DGKA: variants seen among roughly 807,000 people sequenced by gnomAD.
The protein encoded by DGKA is diacylglycerol kinase alpha, also known as 80 kDa diacylglycerol kinase.
DGKA carries 35 observed loss-of-function variants against 105.0 expected under a neutral mutation model. That is an observed-to-expected ratio of 0.33 (90% confidence interval 0.25 to 0.44). The LOEUF (loss-of-function observed/expected upper bound fraction) is 0.44, where lower values mean the gene tolerates loss of function less well. Ranked by LOEUF, DGKA falls within the 20% of genes least tolerant of loss-of-function variation. The pLI, the probability that DGKA is intolerant of heterozygous loss-of-function variation, is 1.00. For synonymous variants in DGKA, 296 were observed against 332.0 expected (o/e 0.89, Z 1.18); for missense variants, 665 against 915.0 (o/e 0.73, Z 3.53).
At position 55,939,252 on chromosome 12, in the gene DGKA, G is replaced by A. The variant is rs752181289; in HGVS notation, c.541G>A (p.Val181Ile). The A allele has an allele frequency of 3.9e-5, 63 of 1,614,070 alleles. No homozygotes were observed. The highest frequency in any genetic ancestry group is 5.0e-5 in the Non-Finnish European group (59 of 1,180,032). ...GSGSVSQAEW[V>I]RAGATTVPLL... The stretch of plus-strand genomic sequence containing the variant: ...TGGCTCTGTCTCTCAAGCTGAGTGG[G>A]TCCGGGCTGGGGCCACCACCGTGCC... The change falls in exon 8 of 24, where the codon GTC (valine) becomes ATC (isoleucine). Residue 181 changes from valine to isoleucine, a missense_variant. By Grantham distance (29) the Val-to-Ile change is conservative. Transcript: ENST00000331886.
chr12:55,933,785 G>C (rs887562197), intron 1 of DGKA, among the ~76,000 whole-genome samples: 17 of 152,288 alleles, frequency 1.1e-4, no homozygotes, highest in Admixed American at 1.1e-3. Flanking sequence ...GATGCTAGCA[G>C]TCCCTGAAAT....
chr12:55,952,085 G>A lies in DGKA; in HGVS notation c.1638G>A (p.Glu546=). The A allele has an allele frequency of 1.9e-6, 3 of 1,614,114 alleles. No homozygotes were observed. The highest frequency in any genetic ancestry group is 2.5e-6 in the Non-Finnish European group (3 of 1,180,038). ...ACATCATGCGAGAGAAATATCCGGAGAAGTTCAACAGCAGGTTAGGGAAAG... is the reference window on the plus strand; with the variant it reads ...ACATCATGCGAGAGAAATATCCGGAAAAGTTCAACAGCAGGTTAGGGAAAG... ...RFHIMREKYP[E]KFNSRMKNKL... is the part of the protein sequence containing the mutation. The change falls in exon 19 of 24, where the codon GAG becomes GAA. Residue 546 remains glutamate, a synonymous_variant. Coordinates refer to ENST00000331886, the MANE Select transcript of DGKA (RefSeq NM_001345.5). This position sits in a 1 kb window ranked among gnomAD's most constrained non-coding sequence, Gnocchi z 5.1.
Position 55,940,460 on chromosome 12 carries a change from G to A in DGKA, c.918+27G>A. The A allele has an allele frequency of 6.2e-7, 1 of 1,612,536 alleles. No homozygotes were observed. Among genetic ancestry groups the A allele is most frequent in the Non-Finnish European group, 8.5e-7 (1 of 1,179,326 alleles). On this transcript the variant is annotated intron_variant, in intron 11 of 23. Coordinates refer to ENST00000331886, the MANE Select transcript of DGKA (RefSeq NM_001345.5). This position sits in a 1 kb window ranked among gnomAD's most constrained non-coding sequence, Gnocchi z 4.3. ...TCAGTTTGGGAGCCATCCCTTCTGG[G>A]TGCGTCTTACCCCGCAGAGCTGCCT...
chr12:55,930,112 ATGTT>A (rs894783902), upstream of DGKA, among the ~76,000 whole-genome samples: 4 of 152,166 alleles, frequency 2.6e-5, no homozygotes, highest in Non-Finnish European at 5.9e-5. Context: ...CTTACATTGT[ATGTT>A]TGTTTAAAGT....
At chr12:55,935,772 C>A (rs1884517362) in intron 1 of DGKA, 1 of 632,358 alleles carries the variant, frequency 1.6e-6, no homozygotes, top group Non-Finnish European at 2.0e-6. Context: ...TGGAGCTCCG[C>A]GGAACGCAGT....
upstream of DGKA, among the ~76,000 whole-genome samples, chr12:55,928,786 C>A (rs1883249885): frequency 6.6e-6 from 1 of 151,596 alleles, no homozygotes; most frequent in Non-Finnish European, 1.5e-5. Context: ...CCGCAGCTTG[C>A]CTTCCTTCCC....
rs1228916328 is a variant in DGKA at position 55,939,256 on chromosome 12, G to A, written c.545G>A (p.Arg182Gln). 8 of 1,614,052 alleles carry A rather than the reference G, an allele frequency of 5.0e-6. No homozygotes were observed. Among genetic ancestry groups the A allele is most frequent in the African/African-American group, 2.7e-5 (2 of 74,924 alleles). Residue 182 changes from arginine (R) to glutamine (Q), a missense_variant, in exon 8 of 24, where the codon CGG becomes CAG. This residue lies in a region of DGKA where 504 missense variants were observed against 681.2 expected (regional missense o/e 0.74). Coordinates refer to ENST00000331886, the MANE Select transcript of DGKA (RefSeq NM_001345.5). ...SGSVSQAEWV[R>Q]AGATTVPLLV... ...TCTGTCTCTCAAGCTGAGTGGGTCC[G>A]GGCTGGGGCCACCACCGTGCCACTG...
intron 17 of DGKA, among the ~76,000 whole-genome samples, chr12:55,947,088 C>T (rs775656446): frequency 7.3e-5 from 11 of 149,758 alleles, no homozygotes; most frequent in Non-Finnish European, 1.5e-4. Flanking sequence ...CGGGTTCAAG[C>T]GATTCTCCTG....
intron 17 of DGKA, among the ~76,000 whole-genome samples, chr12:55,950,671 G>A (rs1402845973): frequency 6.6e-6 from 1 of 151,890 alleles, no homozygotes; most frequent in Non-Finnish European, 1.5e-5. Context: ...CAAACTCCTG[G>A]TCTCAAGGGA....
rs1286243782 is a variant in DGKA at position 55,937,539 on chromosome 12, A to C, written c.270A>C (p.Thr90=). The C allele has an allele frequency of 3.7e-6, 6 of 1,614,084 alleles. No individual in the cohort carries two copies. Among genetic ancestry groups the C allele is most frequent in the Non-Finnish European group, 5.1e-6 (6 of 1,179,942 alleles). The change falls in exon 4 of 24, where the codon ACA becomes ACC. Residue 90 remains threonine, a synonymous_variant. Transcript: ENST00000331886. ...ACTGCTTAAATGAGACAAATGTGACAAAAGGTATGGTCAAGCAGGTAGGAC... is the reference window on the plus strand; with the variant it reads ...ACTGCTTAAATGAGACAAATGTGACCAAAGGTATGGTCAAGCAGGTAGGAC... The part of the protein sequence containing the change: ...TGHCLNETNV[T]KDVVCLNDVS...
intron 17 of DGKA, among the ~76,000 whole-genome samples, chr12:55,945,480 T>A (rs1375860377): frequency 6.6e-6 from 1 of 152,220 alleles, no homozygotes; most frequent in Non-Finnish European, 1.5e-5. Context: ...ATTTATTGTC[T>A]TACAGTTCTG....
chr12:55,932,667 T>A lies in DGKA; in HGVS notation c.-82+1323T>A. On this transcript the variant is annotated intron_variant, in intron 1 of 23. Transcript: ENST00000331886. The surrounding 1 kb of genome is among the most constrained non-coding windows in gnomAD (Gnocchi z 4.3). ...CAACCATGCCAGTATCGTAACTTCC[T>A]CCTATACTACGCAATGACACCCTCT... 1.4e-6 allele frequency: 1 copy of A among 694,754 alleles called. No homozygotes were observed. The highest frequency in any genetic ancestry group is 2.0e-5 in the Admixed American group (1 of 49,616). The allele number at this position is 694,754 out of a possible 1,614,324, so 43.0% of individuals were successfully genotyped here. A position where few individuals can be genotyped will look rare whatever the true frequency, so the allele number is the denominator to read the frequency against.
chr12:55,936,029 G>C (rs1286152371), intron 1 of DGKA: 2 of 991,760 alleles, frequency 2.0e-6, no homozygotes, highest in Non-Finnish European at 2.4e-6. Flanking sequence ...GCTCAGGATG[G>C]GGAGAGTCTG....
chr12:55,939,636 C>T (rs948775603), intron 9 of DGKA, 107 bp downstream of exon 9: 1 of 1,049,582 alleles, frequency 9.5e-7, no homozygotes, highest in Non-Finnish European at 1.4e-6. Flanking sequence ...CTGGGCTCTG[C>T]CACTGACTAG....
In DGKA at chr12:55,953,934, C is replaced by T. The variant is rs1395015568; in HGVS notation, c.*166C>T. ...CTGCACCACCTCACTGTTCCCCATGCGCACACACATACACACACCCCAAAA... is the reference window on the plus strand; with the variant it reads ...CTGCACCACCTCACTGTTCCCCATGTGCACACACATACACACACCCCAAAA... On this transcript the variant is annotated 3_prime_UTR_variant, in exon 24 of 24. Coordinates refer to ENST00000331886, the MANE Select transcript of DGKA (RefSeq NM_001345.5). 1.8e-5 allele frequency: 12 copies of T among 662,764 alleles called. No homozygotes were observed. Among genetic ancestry groups the T allele is most frequent in the East Asian group, 5.4e-5 (2 of 36,746 alleles). 41.1% of individuals were successfully genotyped at this position (662,764 alleles called of 1,614,324 possible).
Position 55,941,581 on chromosome 12 carries a change from T to A in DGKA, c.1247T>A (p.Ile416Lys). The A allele has an allele frequency of 6.2e-7, 1 of 1,614,052 alleles. No homozygotes were observed. The highest frequency in any genetic ancestry group is 1.1e-5 in the South Asian group (1 of 91,076). Residue 416 changes from isoleucine to lysine, a missense_variant, in exon 15 of 24, where the codon ATA becomes AAA. Physicochemically the swap from Ile to Lys is moderately radical, Grantham distance 102. Transcript: ENST00000331886. Reference sequence around the variant, plus strand: ...AACCTCCTAAAGGATGGTCCTGAGATAGGGTGAGCACAGGTTAGGGACTGT... The same window carrying A: ...AACCTCCTAAAGGATGGTCCTGAGAAAGGGTGAGCACAGGTTAGGGACTGT... Reference protein sequence around the residue: ...VFNLLKDGPEIGLRLFKDVPD... With the variant: ...VFNLLKDGPEKGLRLFKDVPD...
At chr12:55,937,215 A>G in intron 3 of DGKA, 125 bp downstream of exon 3, 2 of 1,248,482 alleles carry the variant, frequency 1.6e-6, no homozygotes, top group East Asian at 2.3e-5. Context: ...CCTAGTGTCC[A>G]TTGTCACTCT....
chr12:55,939,010 T>G, intron 7 of DGKA, 21 bp downstream of exon 7: 1 of 1,614,108 alleles, frequency 6.2e-7, no homozygotes. Flanking sequence ...TCTTCCTTCA[T>G]GTCCCTTCTT....
Position 55,952,020 on chromosome 12 carries a change from T to A in DGKA, c.1588-15T>A, listed in dbSNP as rs768642895. ...ATTGAGCTCTGTACTGACCTTCATG[T>A]CCCGAACTCTCCAGGATGCCTCTAT... On this transcript the variant is annotated splice_polypyrimidine_tract_variant and intron_variant, in intron 18 of 23. Coordinates refer to ENST00000331886, the MANE Select transcript of DGKA (RefSeq NM_001345.5). The surrounding 1 kb of genome is among the most constrained non-coding windows in gnomAD (Gnocchi z 5.1). 13 of 1,613,742 alleles carry A rather than the reference T, an allele frequency of 8.1e-6. No homozygotes were observed. Among genetic ancestry groups the A allele is most frequent in the Non-Finnish European group, 1.1e-5 (13 of 1,179,994 alleles).
Sources: allele counts gnomAD v4.1 joint callset (sites outside exome capture counted in the v4.1 genomes callset), GRCh38; gene constraint gnomAD v4.1.1; regional missense constraint gnomAD v4.1.1; non-coding constraint Gnocchi (gnomAD v3.1); transcripts MANE v1.5; gene names NCBI Gene and HGNC (gene_info 2026-07-23, HGNC 2026-07-21).